CBX2: variants seen among roughly 807,000 people sequenced by gnomAD.
CBX2 encodes the protein chromobox 2.
A neutral mutation model predicts 21.0 loss-of-function variants in CBX2; 11 were observed. That is an observed-to-expected ratio of 0.52 (90% CI 0.33 to 0.87). The LOEUF (loss-of-function observed/expected upper bound fraction) is 0.87. Among genes scored for constraint, CBX2 ranks in the 40% least tolerant of loss-of-function variants. The pLI, the probability that CBX2 is intolerant of heterozygous loss-of-function variation, is 0.02. For synonymous variants in CBX2, 364 were observed against 304.6 expected (o/e 1.19, Z -2.03); for missense variants, 746 against 724.3 (o/e 1.03, Z -0.34).
At chr17:79,779,460 G>T in intron 3 of CBX2, 33 bp downstream of exon 3, 1 of 1,598,140 alleles carries the variant, frequency 6.3e-7, no homozygotes, top group Non-Finnish European at 8.6e-7. Flanking sequence ...GGAGGGTGTG[G>T]GGGAGGGACG....
rs1555831152 is a variant in CBX2 at position 79,784,245 on chromosome 17, G to A, written c.802G>A (p.Ala268Thr). Reference sequence around the variant, plus strand: ...CATGAACCGGATGACCCAGAGCCAGGCCCAGGCTGCCAGCAGGTTGGCGCT... The same window carrying A: ...CATGAACCGGATGACCCAGAGCCAGACCCAGGCTGCCAGCAGGTTGGCGCT... ...HYMNRMTQSQ[A>T]QAASRLALKA... The change falls in exon 5 of 5, where the codon GCC becomes ACC. Residue 268 changes from alanine to threonine, a missense_variant. Around this residue, in one of 2 missense-constraint regions of CBX2, gnomAD observed 701 missense variants for 650.7 expected, o/e 1.08. Transcript: ENST00000310942. This position sits in a 1 kb window ranked among gnomAD's most constrained non-coding sequence, Gnocchi z 5.9. 8.7e-6 allele frequency: 14 copies of A among 1,612,900 alleles called. No individual in the cohort carries two copies. The East Asian group carries it at 2.9e-4, about 33-fold the overall frequency.
chr17:79,784,328 G>A lies in CBX2; in HGVS notation c.885G>A (p.Gln295=). 1 of 1,613,290 alleles carries A rather than the reference G, an allele frequency of 6.2e-7. No individual in the cohort carries two copies. Among genetic ancestry groups the A allele is most frequent in the Non-Finnish European group, 8.5e-7 (1 of 1,179,950 alleles). Residue 295 remains glutamine (Q), a synonymous_variant, in exon 5 of 5, where the codon CAG becomes CAA. Coordinates refer to ENST00000310942, the MANE Select transcript of CBX2 (RefSeq NM_005189.3). The surrounding 1 kb of genome is among the most constrained non-coding windows in gnomAD (Gnocchi z 5.9). ...GGCTGGACCTGAAGGTGAGGACGCA[G>A]AAAGGGGAGCTGGGAATGAGCCCTC... ...GLGLDLKVRT[Q]KGELGMSPPG...
intron 4 of CBX2, among the ~76,000 whole-genome samples, chr17:79,783,029 T>C (rs1314806429): frequency 6.6e-6 from 1 of 152,206 alleles, no homozygotes; most frequent in Non-Finnish European, 1.5e-5. Flanking sequence ...TGCATGCTAC[T>C]TAATACGACT....
chr17:79,781,458 G>A (rs1397471455), intron 3 of CBX2, among the ~76,000 whole-genome samples: 1 of 152,188 alleles, frequency 6.6e-6, no homozygotes, highest in African/African-American at 2.4e-5. Context: ...TGTTTTCCCA[G>A]CGTTGCTTTC....
chr17:79,778,754 C>T lies in CBX2; in HGVS notation c.116+327C>T, dbSNP rs1402281497. Among the ~76,000 whole-genome samples, 1 of 152,138 alleles carries T rather than the reference C, an allele frequency of 6.6e-6. No individual in the cohort carries two copies. The highest frequency in any genetic ancestry group is 2.4e-5 in the African/African-American group (1 of 41,456). On this transcript the variant is annotated intron_variant, in intron 2 of 4. Transcript: ENST00000310942. The surrounding 1 kb of genome is among the most constrained non-coding windows in gnomAD (Gnocchi z 4.8). Reference sequence around the variant, plus strand: ...GCCCCCCTCCTCTTGGCCAGATTCTCCCCGCTGTAACCTGAGCTTGCTATT... The same window carrying T: ...GCCCCCCTCCTCTTGGCCAGATTCTTCCCGCTGTAACCTGAGCTTGCTATT...
In CBX2 at chr17:79,785,095, T is replaced by G. The variant is rs1907545656; in HGVS notation, c.*53T>G. ...TTACTCCCCTTCCCTGCCTATGGTG[T>G]CGCTTGGCTAAGTGACTCCCAGCCC... On this transcript the variant is annotated 3_prime_UTR_variant, in exon 5 of 5. Transcript: ENST00000310942. 1 of 1,493,050 alleles carries G rather than the reference T, an allele frequency of 6.7e-7. No individual in the cohort carries two copies. The highest frequency in any genetic ancestry group is 1.4e-5 in the African/African-American group (1 of 72,730). 92.5% of individuals were successfully genotyped at this position (1,493,050 alleles called of 1,614,324 possible). A position where few individuals can be genotyped will look rare whatever the true frequency, so the allele number is the denominator to read the frequency against.
At position 79,783,296 on chromosome 17, in the gene CBX2, T is replaced by C. The variant is rs578221498; in HGVS notation, c.289-436T>C. Among the ~76,000 whole-genome samples, 149 of 152,180 alleles carry C rather than the reference T, an allele frequency of 9.8e-4. 3 individuals carry two copies. Among genetic ancestry groups the C allele is most frequent in the Non-Finnish European group, 5.3e-4 (36 of 68,030 alleles). On this transcript the variant is annotated intron_variant, in intron 4 of 4. Transcript: ENST00000310942. The stretch of plus-strand genomic sequence containing the variant: ...AGTTGCTCCTTCCTGACTGCCTCTC[T>C]GGTCTGGAAGCCACAGGAGTTGATG...
At chr17:79,777,755 C>T (rs1906822774), upstream of CBX2, among the ~76,000 whole-genome samples, 3 of 152,212 alleles carry the variant, frequency 2.0e-5, no homozygotes, top group South Asian at 6.2e-4. Context: ...GCCGCCGCGC[C>T]CCGTCCCGCT....
At chr17:79,781,657 A>G (rs1555830243) in intron 3 of CBX2, 39 bp from the exon 4 acceptor site, 2 of 1,553,620 alleles carry the variant, frequency 1.3e-6, no homozygotes, top group South Asian at 1.1e-5. Context: ...AGGGGTACGC[A>G]CAGGGCTTCT....
chr17:79,781,271 G>A (rs1555830149), intron 3 of CBX2, among the ~76,000 whole-genome samples: 1 of 152,200 alleles, frequency 6.6e-6, no homozygotes, highest in African/African-American at 2.4e-5. Flanking sequence ...TTATGCACCA[G>A]AAGCTGCCCA....
rs1439182720 is a variant in CBX2, at chr17:79,778,894, C to T, written c.116+467C>T. Among the ~76,000 whole-genome samples, 2 of 152,090 alleles carry T rather than the reference C, an allele frequency of 1.3e-5. No individual in the cohort carries two copies. Among genetic ancestry groups the T allele is most frequent in the Non-Finnish European group, 2.9e-5 (2 of 68,006 alleles). ...TCCCGCGGCCCCGTTTCTGCGTCTT[C>T]CCGGACCCCGCTCTTTCTTCGCTAC... On this transcript the variant is annotated intron_variant, in intron 2 of 4. Coordinates refer to ENST00000310942, the MANE Select transcript of CBX2 (RefSeq NM_005189.3). This position sits in a 1 kb window ranked among gnomAD's most constrained non-coding sequence, Gnocchi z 4.8.
At chr17:79,783,656 C>A in intron 4 of CBX2, 76 bp from the exon 5 acceptor site, 1 of 1,307,706 alleles carries the variant, frequency 7.6e-7, no homozygotes, top group Admixed American at 2.0e-5. Context: ...GTGATCCACC[C>A]GCTTCGGCCT....
chr17:79,779,240 G>A (rs572935553), intron 2 of CBX2, 122 bp from the exon 3 acceptor site: 13 of 890,036 alleles, frequency 1.5e-5, no homozygotes, highest in Non-Finnish European at 2.2e-5. Flanking sequence ...GTGCCATGGT[G>A]CTACGGTGCC....
upstream of CBX2, among the ~76,000 whole-genome samples, chr17:79,777,700 C>T (rs1906819108): frequency 6.6e-6 from 1 of 152,120 alleles, no homozygotes; most frequent in Non-Finnish European, 1.5e-5. Flanking sequence ...GGTGGGGCCC[C>T]GCGTGCCCCG....
At chr17:79,781,247 C>T (rs1907174456) in intron 3 of CBX2, among the ~76,000 whole-genome samples, 1 of 152,218 alleles carries the variant, frequency 6.6e-6, no homozygotes, top group African/African-American at 2.4e-5. Context: ...GTGCTCCTTG[C>T]CCGGGTGAGG....
rs1598220812 is a variant in CBX2 at position 79,779,814 on chromosome 17, G to A, written c.182+387G>A. 1.6e-5 allele frequency: 5 copies of A among 311,386 alleles called. No individual in the cohort carries two copies. The East Asian group carries it at 2.2e-4, about 14-fold the overall frequency. 19.3% of individuals were successfully genotyped at this position (311,386 alleles called of 1,614,324 possible). On this transcript the variant is annotated intron_variant, in intron 3 of 4. Transcript: ENST00000310942. ...AGGAGAGCAGGTTTGCCACAGTGAC[G>A]CAGGTCTGCCCTTCCAGCCCTGCAC...
At position 79,785,313 on chromosome 17, in the gene CBX2, GGTGGCACCT is replaced by G; in HGVS notation, c.*277_*285del. ...TCTCCCCTCTTGCCTCAGGAAACCC[GGTGGCACCT>G]GTGGCTCCAGGTGACTGTCTTGAAC... On this transcript the variant is annotated 3_prime_UTR_variant, in exon 5 of 5. Transcript: ENST00000310942. 1 of 545,670 alleles carries G rather than the reference GGTGGCACCT, an allele frequency of 1.8e-6. No homozygotes were observed. The highest frequency in any genetic ancestry group is 3.3e-6 in the Non-Finnish European group (1 of 301,682). The allele number at this position is 545,670 out of a possible 1,614,324, so 33.8% of individuals were successfully genotyped here.
chr17:79,784,044 C>T lies in CBX2; in HGVS notation c.601C>T (p.Pro201Ser). Residue 201 changes from proline to serine, a missense_variant, in exon 5 of 5, where the codon CCC becomes TCC. Coordinates refer to ENST00000310942, the MANE Select transcript of CBX2 (RefSeq NM_005189.3). This position sits in a 1 kb window ranked among gnomAD's most constrained non-coding sequence, Gnocchi z 5.9. ...KDLGAPASKL[P>S]PPLSAPVAGL... Reference sequence around the variant, plus strand: ...TCTGGGGGCCCCGGCCAGCAAGCTGCCCCCTCCACTCAGCGCCCCCGTTGC... The same window carrying T: ...TCTGGGGGCCCCGGCCAGCAAGCTGTCCCCTCCACTCAGCGCCCCCGTTGC... 1.2e-6 allele frequency: 2 copies of T among 1,612,830 alleles called. No individual in the cohort carries two copies. Among genetic ancestry groups the T allele is most frequent in the Non-Finnish European group, 1.7e-6 (2 of 1,179,906 alleles).
At position 79,785,109 on chromosome 17, in the gene CBX2, GAC is replaced by G; in HGVS notation, c.*68_*69del. 1 of 1,385,368 alleles carries G rather than the reference GAC, an allele frequency of 7.2e-7. No homozygotes were observed. The highest frequency in any genetic ancestry group is 2.3e-5 in the East Asian group (1 of 43,608). 85.8% of individuals were successfully genotyped at this position (1,385,368 alleles called of 1,614,324 possible). A position where few individuals can be genotyped will look rare whatever the true frequency, so the allele number is the denominator to read the frequency against. On this transcript the variant is annotated 3_prime_UTR_variant, in exon 5 of 5. Transcript: ENST00000310942. ...TGCCTATGGTGTCGCTTGGCTAAGT[GAC>G]TCCCAGCCCAAGCCCCCTCAAGAGT...
Sources: allele counts gnomAD v4.1 joint callset (sites outside exome capture counted in the v4.1 genomes callset), GRCh38; gene constraint gnomAD v4.1.1; regional missense constraint gnomAD v4.1.1; non-coding constraint Gnocchi (gnomAD v3.1); transcripts MANE v1.5; gene names NCBI Gene and HGNC (gene_info 2026-07-23, HGNC 2026-07-21).